Variants in SMIM35 observed in about 807,000 individuals in gnomAD.
SMIM35 encodes small integral membrane protein 35.
intron 1 of SMIM35, among the ~76,000 whole-genome samples, chr11:118,019,130 T>C (rs2058206188): frequency 6.6e-6 from 1 of 152,204 alleles, no homozygotes; most frequent in African/African-American, 2.4e-5. Flanking sequence ...TATGTAGATA[T>C]AGAGATATAT....
At chr11:118,024,010 T>G (rs80054779) in intron 1 of SMIM35, among the ~76,000 whole-genome samples, 13,918 of 146,516 alleles carry the variant, frequency 0.095, 917 homozygotes, top group East Asian at 0.36. Flanking sequence ...GTGAGATGCC[T>G]TCTCCAAAAA....
intron 1 of SMIM35, among the ~76,000 whole-genome samples, chr11:118,024,024 A>AAAAG (rs1555071324): frequency 6.6e-5 from 10 of 152,026 alleles, no homozygotes; most frequent in African/African-American, 1.7e-4. Context: ...CCAAAAAAAA[A>AAAAG]AAAGAAAGAA....
At chr11:118,077,530 A>G (rs778014842) in intron 1 of SMIM35, among the ~76,000 whole-genome samples, 12 of 152,054 alleles carry the variant, frequency 7.9e-5, no homozygotes, top group Non-Finnish European at 1.3e-4. Flanking sequence ...CAGCTCACCT[A>G]AGAAGCTGAG....
At chr11:118,036,213 T>C (rs2058358498) in intron 1 of SMIM35, among the ~76,000 whole-genome samples, 1 of 152,112 alleles carries the variant, frequency 6.6e-6, no homozygotes, top group Admixed American at 6.5e-5. Flanking sequence ...TAAAAAACCA[T>C]AAAATTGATT....
chr11:118,077,002 A>C, intron 1 of SMIM35: 1 of 401,460 alleles, frequency 2.5e-6, no homozygotes, highest in Non-Finnish European at 4.5e-6. Flanking sequence ...GTCAGGTTAC[A>C]AGACACATAA....
intron 1 of SMIM35, among the ~76,000 whole-genome samples, chr11:118,040,138 C>T (rs1002314448): frequency 1.3e-5 from 2 of 151,618 alleles, no homozygotes; most frequent in African/African-American, 4.8e-5. Flanking sequence ...ATCGCTTAAA[C>T]CCAGGAGGCA....
chr11:118,022,931 T>C (rs2058244036), intron 1 of SMIM35, among the ~76,000 whole-genome samples: 1 of 151,258 alleles, frequency 6.6e-6, no homozygotes, highest in African/African-American at 2.4e-5. Context: ...GCTAATTATT[T>C]CCACTACACT....
intron 1 of SMIM35, among the ~76,000 whole-genome samples, chr11:118,062,724 T>C (rs1193163171): frequency 1.3e-5 from 2 of 152,248 alleles, no homozygotes; most frequent in East Asian, 3.8e-4. Flanking sequence ...TCCATCTGTT[T>C]TTCTGTTGCC....
intron 1 of SMIM35, among the ~76,000 whole-genome samples, chr11:118,020,006 G>C (rs375231920): frequency 6.6e-6 from 1 of 152,178 alleles, no homozygotes; most frequent in African/African-American, 2.4e-5. Flanking sequence ...TCTCACGCCT[G>C]TAATCCCAGC....
At chr11:118,052,011 A>T (rs1480359839) in intron 1 of SMIM35, among the ~76,000 whole-genome samples, 2 of 152,160 alleles carry the variant, frequency 1.3e-5, no homozygotes, top group African/African-American at 2.4e-5. Context: ...TCCCTAGAAC[A>T]TGGCGCTGAT....
chr11:118,014,651 T>A, intron 3 of SMIM35, 57 bp downstream of exon 3: 1 of 398,776 alleles, frequency 2.5e-6, no homozygotes, highest in Non-Finnish European at 4.4e-6. Context: ...TGATTCTTTT[T>A]CCATTATATC....
Position 118,042,763 on chromosome 11 carries a change from T to C in SMIM35, c.8-26954A>G, listed in dbSNP as rs553350117. ...GAATAAAGAATCCTCAACAAAATAC[T>C]AGCAAACCAATTCCAGCAGTATCTA... On this transcript the variant is annotated intron_variant, in intron 1 of 4. Coordinates refer to ENST00000689828, the MANE Select transcript of SMIM35 (RefSeq NM_001394165.1). 4.6e-5 allele frequency among the ~76,000 whole-genome samples: 7 copies of C among 152,312 alleles called. No homozygotes were observed. In the South Asian group the frequency reaches 1.5e-3, roughly 32 times the overall value.
intron 1 of SMIM35, among the ~76,000 whole-genome samples, chr11:118,017,271 T>C (rs528420226): frequency 3.3e-5 from 5 of 152,188 alleles, no homozygotes; most frequent in East Asian, 1.9e-4. Flanking sequence ...GGGAAGGCAA[T>C]AGAATTCCCA....
chr11:118,024,333 C>T (rs868137018), intron 1 of SMIM35, among the ~76,000 whole-genome samples: 15 of 152,260 alleles, frequency 9.9e-5, no homozygotes, highest in East Asian at 5.8e-4. Context: ...ACCGACCCTC[C>T]GTAAGAATCA....
chr11:118,033,855 TTTTACCAGTTAC>T (rs1355301618), intron 1 of SMIM35, among the ~76,000 whole-genome samples: 4 of 152,190 alleles, frequency 2.6e-5, no homozygotes, highest in Non-Finnish European at 5.9e-5. Context: ...TGAATCTCAG[TTTTACCAGTTAC>T]TTACAATGTG....
chr11:118,047,301 T>C (rs188662579), intron 1 of SMIM35, among the ~76,000 whole-genome samples: 49 of 152,360 alleles, frequency 3.2e-4, no homozygotes, highest in African/African-American at 1.2e-3. Context: ...ATTAACCAAT[T>C]AACAAGCATT....
intron 4 of SMIM35, 173 bp downstream of exon 4, chr11:118,013,575 G>A (rs1385958822): frequency 1.1e-5 from 4 of 376,316 alleles, no homozygotes; most frequent in South Asian, 1.5e-4. Flanking sequence ...TGCCAGAAGC[G>A]GGTGGGGGAA....
At chr11:118,044,610 C>T (rs977070635) in intron 1 of SMIM35, among the ~76,000 whole-genome samples, 4 of 151,672 alleles carry the variant, frequency 2.6e-5, no homozygotes, top group African/African-American at 9.7e-5. Flanking sequence ...CCTGTCTTTA[C>T]TAAAAATACA....
chr11:118,007,054 C>A (rs888867394), intron 4 of SMIM35, among the ~76,000 whole-genome samples: 11 of 151,908 alleles, frequency 7.2e-5, no homozygotes, highest in African/African-American at 2.7e-4. Flanking sequence ...CATACACACA[C>A]ACACGCACAC....
Sources: gnomAD v4.1 joint callset for allele counts (sites outside exome capture counted in the v4.1 genomes callset) on GRCh38, gnomAD v4.1.1 for gene constraint, MANE v1.5 for transcripts, NCBI Gene and HGNC (gene_info 2026-07-23, HGNC 2026-07-21) for gene names.